The following PAK2 variants were observed in gnomAD, a reference collection of about 807,000 sequenced individuals.
The protein encoded by PAK2 is p21 (RAC1) activated kinase 2, also known as serine/threonine-protein kinase PAK 2.
In PAK2, 21 loss-of-function variants were observed where a neutral mutation model predicts 65.9. That is an observed-to-expected ratio of 0.32 (90% CI 0.23 to 0.46). The LOEUF (loss-of-function observed/expected upper bound fraction) is 0.46. Ranked by LOEUF, PAK2 falls within the 20% of genes least tolerant of loss-of-function variation. The pLI, the probability that PAK2 is intolerant of heterozygous loss-of-function variation, is 1.00. For missense variants in PAK2, 324 were observed against 642.6 expected (o/e 0.50, Z 5.36); for synonymous variants, 204 against 219.7 (o/e 0.93, Z 0.63).
chr3:196,748,917 A>T (rs1049107495), intron 1 of PAK2, among the ~76,000 whole-genome samples: 4 of 152,158 alleles, frequency 2.6e-5, no homozygotes, highest in Non-Finnish European at 5.9e-5. Flanking sequence ...GCAAAACTGA[A>T]ATTCTATACC....
intron 1 of PAK2, among the ~76,000 whole-genome samples, chr3:196,757,840 C>T (rs1308595878): frequency 2.6e-5 from 4 of 152,178 alleles, no homozygotes; most frequent in African/African-American, 7.2e-5. Flanking sequence ...AGAGTTTAGA[C>T]TCACGACCTG....
At chr3:196,814,982 A>G (rs565423996) in intron 11 of PAK2, among the ~76,000 whole-genome samples, 1 of 151,892 alleles carries the variant, frequency 6.6e-6, no homozygotes, top group East Asian at 2.0e-4. Context: ...GATCGAGACC[A>G]TCCTGGCTAA....
At chr3:196,824,801 C>T (rs563803397) in intron 13 of PAK2, among the ~76,000 whole-genome samples, 44 of 150,608 alleles carry the variant, frequency 2.9e-4, no homozygotes, top group Admixed American at 4.0e-4. Context: ...GGCAACATAT[C>T]GAGAATGCAT....
rs1713932420 is a variant in PAK2, at chr3:196,760,747, T to C, written c.-22+20590T>C. On this transcript the variant is annotated intron_variant, in intron 1 of 14. Transcript: ENST00000327134. ...AAGATTCTGAAACAAGGTGTGTCAT[T>C]AGAAAGTGTTTACTTGTTTATAACG... Among the ~76,000 whole-genome samples the C allele has an allele frequency of 2.0e-5, 3 of 152,318 alleles. No homozygotes were observed. In the South Asian group the frequency reaches 6.2e-4, roughly 32 times the overall value.
chr3:196,748,580 C>T (rs1713468582), intron 1 of PAK2, among the ~76,000 whole-genome samples: 2 of 152,166 alleles, frequency 1.3e-5, no homozygotes, highest in South Asian at 4.1e-4. Context: ...AATTATATAG[C>T]GTGTAGCCTT....
chr3:196,768,391 T>A (rs1425373036), intron 1 of PAK2, among the ~76,000 whole-genome samples: 1 of 152,094 alleles, frequency 6.6e-6, no homozygotes, highest in Non-Finnish European at 1.5e-5. Flanking sequence ...TTATCTTGAT[T>A]ATTTCCTTCC....
chr3:196,825,305 C>T (rs535676448), intron 13 of PAK2, among the ~76,000 whole-genome samples: 3 of 151,556 alleles, frequency 2.0e-5, no homozygotes, highest in Non-Finnish European at 2.9e-5. Flanking sequence ...GAGATCATGC[C>T]ACTGCATTCC....
intron 1 of PAK2, among the ~76,000 whole-genome samples, chr3:196,781,744 G>A (rs989233689): frequency 6.6e-6 from 1 of 152,174 alleles, no homozygotes; most frequent in Admixed American, 6.5e-5. Flanking sequence ...AAGGCGGGTG[G>A]ATAATTTGAG....
chr3:196,779,443 C>T (rs866717720), intron 1 of PAK2, among the ~76,000 whole-genome samples: 3 of 152,250 alleles, frequency 2.0e-5, no homozygotes, highest in Middle Eastern at 3.4e-3. Context: ...TTCAAGGAGT[C>T]ATGAGACGTG....
chr3:196,779,456 G>A (rs1371459689), intron 1 of PAK2, among the ~76,000 whole-genome samples: 1 of 152,190 alleles, frequency 6.6e-6, no homozygotes, highest in Admixed American at 6.5e-5. Context: ...GAGACGTGGT[G>A]AAGTGTAAGT....
Position 196,812,783 on chromosome 3 carries a change from A to G in PAK2, c.867A>G (p.Glu289=), listed in dbSNP as rs767639860. 4.4e-6 allele frequency: 7 copies of G among 1,576,858 alleles called. 1 individual carries two copies. In the Middle Eastern group the frequency reaches 5.0e-4, roughly 113 times the overall value. ...ATTTACAGAAACAGCCAAAGAAGGA[A>G]CTGATCATTAACGAGATTCTGGTGA... ...QINLQKQPKK[E]LIINEILVMK... is the part of the protein sequence containing the mutation. Residue 289 remains glutamate (E), a synonymous_variant, in exon 10 of 15, where the codon GAA becomes GAG. Coordinates refer to ENST00000327134, the MANE Select transcript of PAK2 (RefSeq NM_002577.4).
chr3:196,790,953 A>T (rs1715051416), intron 2 of PAK2, among the ~76,000 whole-genome samples: 1 of 152,126 alleles, frequency 6.6e-6, no homozygotes, highest in African/African-American at 2.4e-5. Flanking sequence ...TCTGTACCTT[A>T]AGCTCTCTGG....
chr3:196,790,017 GC>G (rs1180490422), intron 2 of PAK2, among the ~76,000 whole-genome samples: 4 of 152,144 alleles, frequency 2.6e-5, no homozygotes. Context: ...TTCCTAACCG[GC>G]CATGGACCTG....
At chr3:196,759,510 T>G (rs868346218) in intron 1 of PAK2, among the ~76,000 whole-genome samples, 1,406 of 115,468 alleles carry the variant, frequency 0.012, 59 homozygotes, top group East Asian at 0.069. Context: ...TTTTTTTTTT[T>G]TTTTTTTTTT....
chr3:196,748,238 A>G (rs1240117049), intron 1 of PAK2, among the ~76,000 whole-genome samples: 1 of 152,004 alleles, frequency 6.6e-6, no homozygotes, highest in Non-Finnish European at 1.5e-5. Flanking sequence ...CATATACCCC[A>G]TGCTCCTCAT....
intron 13 of PAK2, among the ~76,000 whole-genome samples, chr3:196,821,532 G>A (rs2342987): frequency 0.57 from 86,409 of 151,662 alleles, 25,309 homozygotes; most frequent in African/African-American, 0.7. Context: ...GAAAATACAA[G>A]ATTAGCTGAG....
chr3:196,759,022 T>A (rs1577701284), intron 1 of PAK2, among the ~76,000 whole-genome samples: 1 of 152,316 alleles, frequency 6.6e-6, no homozygotes, highest in Non-Finnish European at 1.5e-5. Context: ...TTTCTGTCAC[T>A]GGATAGAAAC....
Position 196,802,000 on chromosome 3 carries a change from C to T in PAK2, c.261C>T (p.Gly87=). 4.4e-6 allele frequency: 7 copies of T among 1,601,740 alleles called. No homozygotes were observed. Among genetic ancestry groups the T allele is most frequent in the Non-Finnish European group, 6.0e-6 (7 of 1,168,704 alleles). Residue 87 remains glycine, a synonymous_variant, in exon 3 of 15, where the codon GGC becomes GGT. Coordinates refer to ENST00000327134, the MANE Select transcript of PAK2 (RefSeq NM_002577.4). ...ATTTTGAGCACACCATCCATGTTGG[C>T]TTTGATGCTGTTACTGGAGAATTCA... ...PSDFEHTIHV[G]FDAVTGEFTG...
intron 1 of PAK2, among the ~76,000 whole-genome samples, chr3:196,759,520 T>G (rs989772157): frequency 0.083 from 10,312 of 124,484 alleles, 739 homozygotes; most frequent in East Asian, 0.31. Context: ...TTTTTTTTTT[T>G]TTTTTTTTTT....
Sources: gnomAD v4.1 joint callset for allele counts (sites outside exome capture counted in the v4.1 genomes callset) on GRCh38, gnomAD v4.1.1 for gene constraint, MANE v1.5 for transcripts, NCBI Gene and HGNC (gene_info 2026-07-23, HGNC 2026-07-21) for gene names.